EZH1: variants seen among roughly 807,000 people sequenced by gnomAD.
EZH1 encodes the protein histone-lysine N-methyltransferase EZH1.
EZH1 carries 33 observed loss-of-function variants against 100.5 expected under a neutral mutation model. The ratio of observed to expected loss-of-function variants is 0.33; its 90% CI spans 0.25 to 0.44. The LOEUF is 0.44. EZH1 is among the 20% of genes least tolerant of loss of function. The probability of loss-of-function intolerance (pLI) is 1.00; values close to 1 mark genes in which losing one functional copy is unlikely to be tolerated. For synonymous variants in EZH1, 272 were observed against 313.8 expected, an observed-to-expected ratio of 0.87 and a Z score of 1.41; for missense variants, 475 against 928.4, an observed-to-expected ratio of 0.51 and a Z score of 6.35.
chr17:42,719,916 A>G (rs2053674813), intron 7 of EZH1, among the ~76,000 whole-genome samples: 1 of 152,304 alleles, frequency 6.6e-6, no homozygotes, highest in East Asian at 1.9e-4. Context: ...GACATATAGT[A>G]TAATTAAACT....
At chr17:42,732,772 C>T (rs990303948) in intron 1 of EZH1, among the ~76,000 whole-genome samples, 1 of 151,786 alleles carries the variant, frequency 6.6e-6, no homozygotes, top group Non-Finnish European at 1.5e-5. Context: ...GTCTCAAAAC[C>T]AAACAAAACA....
intron 10 of EZH1, among the ~76,000 whole-genome samples, chr17:42,715,009 T>C (rs1305631425): frequency 7.2e-6 from 1 of 139,414 alleles, no homozygotes; most frequent in Admixed American, 7.6e-5. Flanking sequence ...TATATAAATA[T>C]AAAATATATA....
In EZH1 at chr17:42,745,031, T is replaced by C. The variant is rs1281685181; in HGVS notation, c.-123A>G. 8 of 1,271,910 alleles carry C rather than the reference T, an allele frequency of 6.3e-6. No individual in the cohort carries two copies. Among genetic ancestry groups the C allele is most frequent in the East Asian group, 6.2e-5 (1 of 16,022 alleles). 78.8% of individuals were successfully genotyped at this position (1,271,910 alleles called of 1,614,324 possible). On this transcript the variant is annotated 5_prime_UTR_variant, in exon 1 of 21. Transcript: ENST00000428826. ...CTCACCCTCCATCCCGAGCCGCGGGTCCCGCTGCTAGGACGCATGCGCGCC... is the reference window on the plus strand; with the variant it reads ...CTCACCCTCCATCCCGAGCCGCGGGCCCCGCTGCTAGGACGCATGCGCGCC...
At chr17:42,723,332 G>A (rs1026882838) in intron 5 of EZH1, among the ~76,000 whole-genome samples, 29 of 150,352 alleles carry the variant, frequency 1.9e-4, no homozygotes, top group Non-Finnish European at 2.9e-5. Flanking sequence ...CTGAGATCGC[G>A]CCACTGTACT....
At position 42,713,198 on chromosome 17, in the gene EZH1, G is replaced by T; in HGVS notation, c.1204+11C>A. 1 of 1,611,736 alleles carries T rather than the reference G, an allele frequency of 6.2e-7. No homozygotes were observed. Among genetic ancestry groups the T allele is most frequent in the Non-Finnish European group, 8.5e-7 (1 of 1,179,230 alleles). On this transcript the variant is annotated intron_variant, in intron 11 of 20. Coordinates refer to ENST00000428826, the MANE Select transcript of EZH1 (RefSeq NM_001991.5). ...TGGAAAGAAAAAGTCTTCATTTTCT[G>T]TTCATCGTACCTGAAGAACTGGAGG...
At chr17:42,709,737 C>G in intron 13 of EZH1, 109 bp downstream of exon 13, 1 of 993,740 alleles carries the variant, frequency 1.0e-6, no homozygotes, top group East Asian at 2.4e-5. Context: ...TGGGCTCACA[C>G]AGCCTGTGCG....
In EZH1 at chr17:42,706,049, C is replaced by T. The variant is rs756496186; in HGVS notation, c.1797G>A (p.Val599=). The change falls in exon 16 of 21, where the codon GTG becomes GTA. Residue 599 remains valine, a synonymous_variant. Transcript: ENST00000428826. The surrounding 1 kb of genome is among the most constrained non-coding windows in gnomAD (Gnocchi z 4.4). The stretch of plus-strand genomic sequence containing the variant: ...GGATGCTGCAGTTTTTACAGGAAAC[C>T]ACCTTGCAGTCCCAGTGCTCTGAGG... The part of the protein sequence containing the change: ...CGASEHWDCK[V]VSCKNCSIQR... The T allele has an allele frequency of 1.5e-5, 24 of 1,613,900 alleles. No homozygotes were observed. The African/African-American group carries it at 2.9e-4, about 20-fold the overall frequency.
chr17:42,718,663 C>T lies in EZH1; in HGVS notation c.768-46G>A, dbSNP rs1444836163. 1.2e-6 allele frequency: 2 copies of T among 1,603,740 alleles called. No individual in the cohort carries two copies. Among genetic ancestry groups the T allele is most frequent in the African/African-American group, 2.7e-5 (2 of 74,780 alleles). On this transcript the variant is annotated intron_variant, in intron 8 of 20. Transcript: ENST00000428826. This position sits in a 1 kb window ranked among gnomAD's most constrained non-coding sequence, Gnocchi z 4.2. ...AAGAGTTCCTCCGAGGAACTGCCTCCACTGAGGAAATACAGATTGGGTACT... is the reference window on the plus strand; with the variant it reads ...AAGAGTTCCTCCGAGGAACTGCCTCTACTGAGGAAATACAGATTGGGTACT...
At chr17:42,723,039 A>T in intron 5 of EZH1, 124 bp from the exon 6 acceptor site, 1 of 1,374,188 alleles carries the variant, frequency 7.3e-7, no homozygotes, top group Non-Finnish European at 9.7e-7. Flanking sequence ...TTTGTCCCAG[A>T]GTTTCCTGCA....
At chr17:42,703,027 TG>T in intron 19 of EZH1, 66 bp from the exon 20 acceptor site, 1 of 1,494,352 alleles carries the variant, frequency 6.7e-7, no homozygotes, top group Non-Finnish European at 9.3e-7. Flanking sequence ...AGTAGGCTTC[TG>T]GGTTGATTTT....
intron 1 of EZH1, among the ~76,000 whole-genome samples, chr17:42,744,494 T>G (rs1342432020): frequency 6.6e-6 from 1 of 152,136 alleles, no homozygotes; most frequent in Non-Finnish European, 1.5e-5. Context: ...CCTTTACACT[T>G]TGTGCCTTGG....
chr17:42,727,170 T>G (rs116029272), intron 4 of EZH1, among the ~76,000 whole-genome samples: 1,525 of 152,274 alleles, frequency 0.01, 28 homozygotes, highest in African/African-American at 0.036. Flanking sequence ...TTCTTGAAGC[T>G]GCAGATTTAC....
rs149613339 is a variant in EZH1, at chr17:42,713,369, G to A, written c.1044C>T (p.Ala348=). The A allele has an allele frequency of 3.1e-4, 497 of 1,605,826 alleles. 1 individual carries two copies. In the African/African-American group the frequency reaches 5.5e-3, roughly 18 times the overall value. Residue 348 remains alanine, a synonymous_variant, in exon 11 of 21, where the codon GCC becomes GCT. Transcript: ENST00000428826. Reference sequence around the variant, plus strand: ...ACTTGGAGCGGGGGTTGTGGAGCATGGCATACTCCTTTGCTCCTTCCTGCA... The same window carrying A: ...ACTTGGAGCGGGGGTTGTGGAGCATAGCATACTCCTTTGCTCCTTCCTGCA... The part of the protein sequence containing the change: ...FLLLEGAKEY[A]MLHNPRSKCS...
At chr17:42,703,011 A>C (rs755485600) in intron 19 of EZH1, 50 bp from the exon 20 acceptor site, 1 of 1,562,904 alleles carries the variant, frequency 6.4e-7, no homozygotes, top group Admixed American at 1.7e-5. Flanking sequence ...CTCCAAGTCA[A>C]TAACCAGTAG....
At chr17:42,710,452 A>G (rs2053454277) in intron 12 of EZH1, among the ~76,000 whole-genome samples, 2 of 152,110 alleles carry the variant, frequency 1.3e-5, no homozygotes, top group African/African-American at 4.8e-5. Context: ...TGTTGGGGCT[A>G]TTGGCCCTTT....
rs71157668 is a variant in EZH1, at chr17:42,733,939, C to CAAA, written c.-102-3024_-102-3022dup. On this transcript the variant is annotated intron_variant, in intron 1 of 20. Transcript: ENST00000428826. ...CTGGTGACAGAGCGAGACTCCATCT[C>CAAA]AAAAAAAAAAAAAAAAAAAAAATCA... Among the ~76,000 whole-genome samples, 75 of 49,800 alleles carry CAAA rather than the reference C, an allele frequency of 1.5e-3. 2 individuals are homozygous for CAAA. The highest frequency in any genetic ancestry group is 3.0e-3 in the African/African-American group (52 of 17,168). The allele number at this position is 49,800 out of a possible 152,430, so 32.7% of individuals were successfully genotyped here. A position where few individuals can be genotyped will look rare whatever the true frequency, so the allele number is the denominator to read the frequency against.
At chr17:42,723,962 C>T (rs1276333896) in intron 5 of EZH1, among the ~76,000 whole-genome samples, 1 of 152,164 alleles carries the variant, frequency 6.6e-6, no homozygotes, top group Non-Finnish European at 1.5e-5. Context: ...CAACAGGGAG[C>T]AGACAACCTG....
chr17:42,733,679 C>T (rs547727003), intron 1 of EZH1, among the ~76,000 whole-genome samples: 16 of 145,442 alleles, frequency 1.1e-4, no homozygotes, highest in Non-Finnish European at 2.2e-4. Flanking sequence ...GGGTGGCTGA[C>T]GTCTGTAATC....
chr17:42,713,423 AC>A (rs1460870248), intron 10 of EZH1, 34 bp from the exon 11 acceptor site: 3 of 1,564,444 alleles, frequency 1.9e-6, no homozygotes, highest in Non-Finnish European at 2.6e-6. Context: ...GGAAATAGGA[AC>A]AGGCCCATCA....
Sources: allele counts gnomAD v4.1 joint callset (sites outside exome capture counted in the v4.1 genomes callset), GRCh38; gene constraint gnomAD v4.1.1; non-coding constraint Gnocchi (gnomAD v3.1); transcripts MANE v1.5; gene names NCBI Gene and HGNC (gene_info 2026-07-23, HGNC 2026-07-21).